The following CTNNA3 variants were observed in gnomAD, a reference collection of about 807,000 sequenced individuals.
CTNNA3 encodes catenin alpha-3.
CTNNA3 carries 76 observed loss-of-function variants against 95.7 expected under a neutral mutation model. That is an observed-to-expected ratio of 0.79 (90% CI 0.66 to 0.96). CTNNA3 has a LOEUF of 0.96. Among genes scored for constraint, CTNNA3 ranks in the 40% least tolerant of loss-of-function variants. The pLI is 0.00. For synonymous variants in CTNNA3, 431 were observed against 374.4 expected (o/e 1.15, Z -1.74); for missense variants, 1,191 against 1,089.8 (o/e 1.09, Z -1.31).
At chr10:66,206,018 C>A (rs972500038) in intron 13 of CTNNA3, among the ~76,000 whole-genome samples, 1 of 151,862 alleles carries the variant, frequency 6.6e-6, no homozygotes, top group Non-Finnish European at 1.5e-5. Context: ...TATCATTACC[C>A]TCTAATTTGA....
chr10:66,910,008 T>G (rs1280578307), intron 7 of CTNNA3, among the ~76,000 whole-genome samples: 1 of 152,190 alleles, frequency 6.6e-6, no homozygotes, highest in Non-Finnish European at 1.5e-5. Flanking sequence ...TACTATGCAT[T>G]TATATGGCAT....
At chr10:67,500,331 A>C (rs1195631746) in intron 5 of CTNNA3, among the ~76,000 whole-genome samples, 3 of 152,226 alleles carry the variant, frequency 2.0e-5, no homozygotes, top group Non-Finnish European at 4.4e-5. Flanking sequence ...GCATTTGCTA[A>C]GGAGTGTTTT....
chr10:67,349,003 T>C (rs1252957963), intron 5 of CTNNA3, among the ~76,000 whole-genome samples: 1 of 152,036 alleles, frequency 6.6e-6, no homozygotes, highest in East Asian at 1.9e-4. Flanking sequence ...ACAACCACAA[T>C]GAGATATCAT....
At chr10:67,525,783 T>C (rs992259163) in intron 4 of CTNNA3, among the ~76,000 whole-genome samples, 25 of 152,352 alleles carry the variant, frequency 1.6e-4, no homozygotes, top group Admixed American at 2.0e-4. Context: ...AGCAGCCTAC[T>C]AATTCCCATA....
chr10:66,469,368 G>C (rs907769030), intron 11 of CTNNA3, among the ~76,000 whole-genome samples: 1 of 151,862 alleles, frequency 6.6e-6, no homozygotes, highest in Admixed American at 6.6e-5. Flanking sequence ...AGAATAAGCA[G>C]AGGTCCTAAA....
chr10:67,501,843 T>C (rs1839242503), intron 5 of CTNNA3, among the ~76,000 whole-genome samples: 1 of 152,084 alleles, frequency 6.6e-6, no homozygotes, highest in Admixed American at 6.6e-5. Context: ...TCTAAACTGG[T>C]TATTCTAGTT....
intron 12 of CTNNA3, among the ~76,000 whole-genome samples, chr10:66,365,302 G>T (rs1228893823): frequency 2.0e-5 from 3 of 152,066 alleles, no homozygotes; most frequent in African/African-American, 7.2e-5. Flanking sequence ...ACCAAACACT[G>T]CATGTTCTCA....
At chr10:67,602,082 A>G (rs1236491444) in intron 3 of CTNNA3, among the ~76,000 whole-genome samples, 2 of 152,176 alleles carry the variant, frequency 1.3e-5, no homozygotes, top group Non-Finnish European at 2.9e-5. Flanking sequence ...GTCAATAAAT[A>G]TATAATAAAG....
chr10:66,462,642 A>G (rs772077871), intron 11 of CTNNA3, among the ~76,000 whole-genome samples: 6 of 152,180 alleles, frequency 3.9e-5, no homozygotes, highest in Non-Finnish European at 7.4e-5. Flanking sequence ...AGGACTTATT[A>G]GCTCCCAGTG....
intron 9 of CTNNA3, among the ~76,000 whole-genome samples, chr10:66,678,156 T>A (rs1355036747): frequency 6.6e-6 from 1 of 152,156 alleles, no homozygotes; most frequent in Non-Finnish European, 1.5e-5. Flanking sequence ...CTGGTGATTA[T>A]TTATGTTCCC....
chr10:67,282,012 G>A (rs566011009), intron 5 of CTNNA3, among the ~76,000 whole-genome samples: 5 of 152,062 alleles, frequency 3.3e-5, no homozygotes, highest in African/African-American at 1.2e-4. Context: ...CAATCATTGT[G>A]GCCAATAGAA....
intron 7 of CTNNA3, among the ~76,000 whole-genome samples, chr10:66,842,223 G>A (rs1292197338): frequency 6.6e-6 from 1 of 151,964 alleles, no homozygotes; most frequent in Admixed American, 6.6e-5. Flanking sequence ...GATTACAGGT[G>A]TAAGACATCA....
chr10:66,057,854 T>C (rs574641271), intron 15 of CTNNA3, among the ~76,000 whole-genome samples: 75 of 152,298 alleles, frequency 4.9e-4, no homozygotes, highest in African/African-American at 1.8e-3. Context: ...AATAATCCTC[T>C]TATCCCATAT....
chr10:67,088,366 G>C (rs1857426054), intron 7 of CTNNA3, among the ~76,000 whole-genome samples: 1 of 151,752 alleles, frequency 6.6e-6, no homozygotes, highest in African/African-American at 2.4e-5. Context: ...TAAAAACAAT[G>C]CATATAGCCA....
chr10:67,656,931 G>C (rs1840041140), intron 1 of CTNNA3, among the ~76,000 whole-genome samples: 1 of 152,266 alleles, frequency 6.6e-6, no homozygotes, highest in African/African-American at 2.4e-5. Flanking sequence ...GTTTTATTTA[G>C]AGGAATCACT....
At chr10:67,276,669 C>T (rs896994420) in intron 5 of CTNNA3, among the ~76,000 whole-genome samples, 1 of 151,950 alleles carries the variant, frequency 6.6e-6, no homozygotes, top group Non-Finnish European at 1.5e-5. Context: ...GATGAAATGA[C>T]ATAATGATTG....
chr10:67,248,482 T>C (rs4746679), intron 5 of CTNNA3, among the ~76,000 whole-genome samples: 152,288 of 152,288 alleles, frequency 1, 76,144 homozygotes, highest in Non-Finnish European at 1. Context: ...GTGGCACAAT[T>C]TTGGCTCACT....
chr10:66,743,984 A>AAAAAAAG (rs1849416510), intron 9 of CTNNA3, among the ~76,000 whole-genome samples: 1 of 146,692 alleles, frequency 6.8e-6, no homozygotes, highest in African/African-American at 2.5e-5. Flanking sequence ...CAAAAAAAAA[A>AAAAAAAG]AAAAAAAAAA....
chr10:66,139,546 C>T (rs2083510333), intron 13 of CTNNA3, among the ~76,000 whole-genome samples: 1 of 152,084 alleles, frequency 6.6e-6, no homozygotes, highest in African/African-American at 2.4e-5. Context: ...TCAGAGGTTT[C>T]CCAACTCTTG....
Sources: allele counts gnomAD v4.1 joint callset (sites outside exome capture counted in the v4.1 genomes callset), GRCh38; gene constraint gnomAD v4.1.1; transcripts MANE v1.5; gene names NCBI Gene and HGNC (gene_info 2026-07-23, HGNC 2026-07-21).